The following BRD8 variants were observed in gnomAD, a reference collection of about 807,000 sequenced individuals.
BRD8 encodes the protein bromodomain-containing protein 8.
A neutral mutation model predicts 143.1 loss-of-function variants in BRD8; 67 were observed. That is an observed-to-expected ratio of 0.47 (90% CI 0.38 to 0.57). The LOEUF (loss-of-function observed/expected upper bound fraction) is 0.57, where lower values mean the gene tolerates loss of function less well. Among genes scored for constraint, BRD8 ranks in the 20% least tolerant of loss-of-function variants. The pLI, the probability that BRD8 is intolerant of heterozygous loss-of-function variation, is 0.00. For missense variants in BRD8, 1,103 were observed against 1,503.0 expected (o/e 0.73, Z 4.40); for synonymous variants, 505 against 517.1 (o/e 0.98, Z 0.32).
intron 1 of BRD8, among the ~76,000 whole-genome samples, chr5:138,178,129 A>G (rs1754513280): frequency 6.6e-6 from 1 of 152,074 alleles, no homozygotes; most frequent in Non-Finnish European, 1.5e-5. Flanking sequence ...GGGGTAAAAG[A>G]GCTTTTCAGT....
Position 138,140,883 on chromosome 5 carries a change from C to T in BRD8, c.3438-1G>A. 1 of 1,613,572 alleles carries T rather than the reference C, an allele frequency of 6.2e-7. No homozygotes were observed. The highest frequency in any genetic ancestry group is 8.5e-7 in the Non-Finnish European group (1 of 1,179,724). On this transcript the variant is annotated splice_acceptor_variant, in intron 25 of 26. Transcript: ENST00000254900. LOFTEE classifies it high-confidence loss of function. The stretch of plus-strand genomic sequence containing the variant: ...CTTCAGGCTAGTTAAGTCCATGGGT[C>T]TGCAGGTGGCCAAGAAAAAACAAAG...
chr5:138,143,207 C>T (rs1313718898), intron 25 of BRD8, among the ~76,000 whole-genome samples: 1 of 152,208 alleles, frequency 6.6e-6, no homozygotes, highest in East Asian at 1.9e-4. Context: ...ATTGCTTGAA[C>T]CTGGGCAGTT....
Position 138,178,522 on chromosome 5 carries a change from G to C in BRD8, c.19+74C>G. On this transcript the variant is annotated intron_variant, in intron 1 of 26. Transcript: ENST00000254900. ...GCAACCCACTTCTCCCACTCCCTAA[G>C]CGTGTAACAAAAATATGGTGCCTAG... The C allele has an allele frequency of 2.9e-6, 4 of 1,357,970 alleles. No individual in the cohort carries two copies. The Admixed American group carries it at 6.7e-5, about 23-fold the overall frequency. The allele number at this position is 1,357,970 out of a possible 1,614,324, so 84.1% of individuals were successfully genotyped here.
In BRD8 at chr5:138,174,873, C is replaced by CA. The variant is rs1317918810; in HGVS notation, c.116+2697dup. 2.0e-5 allele frequency among the ~76,000 whole-genome samples: 3 copies of CA among 148,254 alleles called. No individual in the cohort carries two copies. The East Asian group carries it at 5.9e-4, about 29-fold the overall frequency. On this transcript the variant is annotated intron_variant, in intron 2 of 26. Transcript: ENST00000254900. Reference sequence around the variant, plus strand: ...CTGCCTAGACTTCCTGTATGTGTGACAAAAAATAAACTCAAGTTTTTTTTT... The same window carrying CA: ...CTGCCTAGACTTCCTGTATGTGTGACAAAAAAATAAACTCAAGTTTTTTTTT...
chr5:138,166,482 T>C, intron 10 of BRD8, 36 bp downstream of exon 10: 6 of 1,447,818 alleles, frequency 4.1e-6, no homozygotes, highest in South Asian at 3.9e-5. Context: ...AAGCTCAAAA[T>C]GAAATTTTAG....
chr5:138,164,731 T>C lies in BRD8; in HGVS notation c.1714A>G (p.Thr572Ala). 6.2e-7 allele frequency: 1 copy of C among 1,614,206 alleles called. No homozygotes were observed. The change falls in exon 12 of 27, where the codon ACA (threonine) becomes GCA (alanine). Residue 572 changes from threonine (T) to alanine (A), a missense_variant. Physicochemically the swap from Thr to Ala is moderately conservative, Grantham distance 58. Transcript: ENST00000254900. ...TTAAGTACCTCTGTCTTCACATTTG[T>C]AAGTGGAGTCTCATCGCCTTTCCCA... ...AIGKGDETPL[T>A]NVKTEASPES...
At chr5:138,174,021 T>C (rs1754103859) in intron 2 of BRD8, among the ~76,000 whole-genome samples, 1 of 152,190 alleles carries the variant, frequency 6.6e-6, no homozygotes, top group Admixed American at 6.5e-5. Context: ...TTTTCCTAGA[T>C]TCCACATATA....
chr5:138,164,456 C>T (rs778814490), intron 12 of BRD8, 43 bp from the exon 13 acceptor site: 4 of 1,553,122 alleles, frequency 2.6e-6, no homozygotes, highest in East Asian at 2.2e-5. Flanking sequence ...ACTGATAAAT[C>T]GCTATAGCTC....
intron 20 of BRD8, among the ~76,000 whole-genome samples, chr5:138,154,415 C>T (rs373664305): frequency 2.2e-4 from 33 of 152,200 alleles, no homozygotes; most frequent in Admixed American, 1.2e-3. Flanking sequence ...CAACTCAAAA[C>T]GTATGTCCTT....
Position 138,160,115 on chromosome 5 carries a change from C to T in BRD8, c.2486G>A (p.Ser829Asn). Residue 829 changes from serine to asparagine, a missense_variant, in exon 19 of 27, where the codon AGT becomes AAT. This residue lies in a region of BRD8 where 64 missense variants were observed against 211.3 expected (regional missense o/e 0.30). Transcript: ENST00000254900. The part of the protein sequence containing the change: ...QTSESGISAK[S>N]LRGRDSTRKQ... ...GCGGGTAGAATCTCTCCCTCGAAGA[C>T]TTTTAGCACTGATCCCAGACTCGGA... 1 of 1,614,184 alleles carries T rather than the reference C, an allele frequency of 6.2e-7. No individual in the cohort carries two copies. Among genetic ancestry groups the T allele is most frequent in the East Asian group, 2.2e-5 (1 of 44,882 alleles).
At chr5:138,140,985 A>T (rs1355359076) in intron 25 of BRD8, 103 bp from the exon 26 acceptor site, 4 of 1,221,754 alleles carry the variant, frequency 3.3e-6, no homozygotes, top group Non-Finnish European at 4.6e-6. Context: ...TAATGAAAAC[A>T]GTAGCAAAGA....
chr5:138,145,893 C>T lies in BRD8; in HGVS notation c.3279-15G>A, dbSNP rs1259495916. On this transcript the variant is annotated splice_polypyrimidine_tract_variant and intron_variant, in intron 23 of 26. Transcript: ENST00000254900. ...TTAGATCAGTCCTATGAGGATAAAA[C>T]ATGAAGAAAAGAGACAGTAACTTCA... 5 of 1,605,982 alleles carry T rather than the reference C, an allele frequency of 3.1e-6. No homozygotes were observed. The highest frequency in any genetic ancestry group is 1.3e-5 in the African/African-American group (1 of 74,714).
chr5:138,169,451 G>A (rs963387647), intron 7 of BRD8, 93 bp from the exon 8 acceptor site: 12 of 1,386,994 alleles, frequency 8.7e-6, no homozygotes, highest in Non-Finnish European at 1.1e-5. Context: ...GGACAAATAG[G>A]TATGTTGCAT....
At chr5:138,149,976 C>A (rs765103038) in intron 22 of BRD8, among the ~76,000 whole-genome samples, 179 bp from the exon 23 acceptor site, 12 of 152,158 alleles carry the variant, frequency 7.9e-5, no homozygotes, top group African/African-American at 9.7e-5. Flanking sequence ...TTCTTGGTAA[C>A]AATCTTGCTG....
intron 25 of BRD8, among the ~76,000 whole-genome samples, 188 bp downstream of exon 25, chr5:138,144,989 C>A (rs1047122459): frequency 6.6e-6 from 1 of 150,916 alleles, no homozygotes; most frequent in Non-Finnish European, 1.5e-5. Context: ...CTATATCATC[C>A]TTTTGTTCCC....
intron 15 of BRD8, among the ~76,000 whole-genome samples, chr5:138,162,461 G>A (rs1157906765): frequency 6.6e-6 from 1 of 151,994 alleles, no homozygotes; most frequent in East Asian, 1.9e-4. Context: ...CTCCCAAAGT[G>A]CTGGGATTAC....
At chr5:138,153,683 T>C (rs540159035) in intron 20 of BRD8, among the ~76,000 whole-genome samples, 169 of 149,430 alleles carry the variant, frequency 1.1e-3, no homozygotes, top group African/African-American at 3.5e-3. Context: ...CTTTTTTTTT[T>C]TTTTTTTTTT....
At chr5:138,157,305 G>A (rs372126634) in intron 20 of BRD8, 275 of 1,613,006 alleles carry the variant, frequency 1.7e-4, no homozygotes, top group Non-Finnish European at 2.2e-4. Context: ...AGCATGAGTT[G>A]GTCAGGAGAC....
intron 21 of BRD8, among the ~76,000 whole-genome samples, chr5:138,151,301 A>G (rs1221928026): frequency 6.6e-6 from 1 of 152,228 alleles, no homozygotes; most frequent in Non-Finnish European, 1.5e-5. Context: ...GTGGCTGTCT[A>G]GAATAAAGTG....
Sources: allele counts gnomAD v4.1 joint callset (sites outside exome capture counted in the v4.1 genomes callset), GRCh38; gene constraint gnomAD v4.1.1; regional missense constraint gnomAD v4.1.1; transcripts MANE v1.5; gene names NCBI Gene and HGNC (gene_info 2026-07-23, HGNC 2026-07-21).